The following TRANK1 variants were observed in gnomAD, a reference collection of about 807,000 sequenced individuals.
TRANK1 encodes tetratricopeptide repeat and ankyrin repeat containing 1.
Under a neutral mutation model 266.0 loss-of-function variants are expected in TRANK1, and 198 were observed. That is an observed-to-expected ratio of 0.74 (90% confidence interval 0.66 to 0.84). The LOEUF (loss-of-function observed/expected upper bound fraction) is 0.84, where lower values mean the gene tolerates loss of function less well. Among genes scored for constraint, TRANK1 ranks in the 40% least tolerant of loss-of-function variants. TRANK1 has a pLI of 0.00. For synonymous variants in TRANK1, 1,396 were observed against 1,384.1 expected (o/e 1.01, Z -0.19); for missense variants, 3,326 against 3,634.6 (o/e 0.92, Z 2.18).
In TRANK1 at chr3:36,826,956, A is replaced by T. The variant is rs1331426295; in HGVS notation, c.*1319T>A. ...ACATAATCTAAGAAAAATTGGAAAC[A>T]AGCATTTCAAGGAAACAATTTGGAA... On this transcript the variant is annotated 3_prime_UTR_variant, in exon 24 of 24. Transcript: ENST00000645898. 6.6e-6 allele frequency: 1 copy of T among 152,242 alleles called. No homozygotes were observed. The highest frequency in any genetic ancestry group is 1.5e-5 in the Non-Finnish European group (1 of 68,048). 9.4% of individuals were successfully genotyped at this position (152,242 alleles called of 1,614,324 possible). A position where few individuals can be genotyped will look rare whatever the true frequency, so the allele number is the denominator to read the frequency against.
chr3:36,926,079 G>A (rs1329291425), intron 1 of TRANK1, among the ~76,000 whole-genome samples: 1 of 152,112 alleles, frequency 6.6e-6, no homozygotes, highest in African/African-American at 2.4e-5. Flanking sequence ...ATTTGTCCCA[G>A]TAATGACATA....
chr3:36,860,833 A>G, intron 11 of TRANK1, 73 bp downstream of exon 11: 1 of 1,505,950 alleles, frequency 6.6e-7, no homozygotes. Flanking sequence ...AGGGAAAGGC[A>G]GGCAGTGGCC....
intron 1 of TRANK1, among the ~76,000 whole-genome samples, chr3:36,919,194 T>C (rs1049765500): frequency 2.0e-5 from 3 of 152,244 alleles, no homozygotes; most frequent in African/African-American, 7.2e-5. Flanking sequence ...TAACATGCAC[T>C]ACTCTTCGGT....
rs1335295615 is a variant in TRANK1, at chr3:36,857,902, A to G, written c.1820T>C (p.Val607Ala). The G allele has an allele frequency of 1.2e-6, 2 of 1,610,434 alleles. No homozygotes were observed. The highest frequency in any genetic ancestry group is 1.3e-5 in the African/African-American group (1 of 74,912). The change falls in exon 13 of 24, where the codon GTG becomes GCG. Residue 607 changes from valine to alanine, a missense_variant. Coordinates refer to ENST00000645898, the MANE Select transcript of TRANK1 (RefSeq NM_001329998.2). The surrounding 1 kb of genome is among the most constrained non-coding windows in gnomAD (Gnocchi z 4.3). Reference sequence around the variant, plus strand: ...CACCAGCAGGTCTAACAGCTTCTTCACGCGCTTTAGCATGCCCTTCTGGAA... The same window carrying G: ...CACCAGCAGGTCTAACAGCTTCTTCGCGCGCTTTAGCATGCCCTTCTGGAA... ...ILFQKGMLKR[V>A]KKLLDLLVKF...
rs993408244 is a variant in TRANK1, at chr3:36,892,568, G to A, written c.637-228C>T. 1.1e-4 allele frequency among the ~76,000 whole-genome samples: 17 copies of A among 152,104 alleles called. 1 individual carries two copies. Among genetic ancestry groups the A allele is most frequent in the African/African-American group, 3.9e-4 (16 of 41,418 alleles). On this transcript the variant is annotated intron_variant, in intron 6 of 23. Coordinates refer to ENST00000645898, the MANE Select transcript of TRANK1 (RefSeq NM_001329998.2). ...CGCCTTGCGAGGCGCAGTGATTCACGCCTATAATCCCAGCACTTTGGGAGG... is the reference window on the plus strand; with the variant it reads ...CGCCTTGCGAGGCGCAGTGATTCACACCTATAATCCCAGCACTTTGGGAGG...
chr3:36,923,696 G>A (rs964161467), intron 1 of TRANK1, among the ~76,000 whole-genome samples: 3 of 152,096 alleles, frequency 2.0e-5, no homozygotes, highest in African/African-American at 7.2e-5. Context: ...CCTTTCTCCA[G>A]TCAGCACCCT....
intron 10 of TRANK1, 104 bp downstream of exon 10, chr3:36,864,215 C>T (rs957386104): frequency 1.2e-5 from 15 of 1,242,004 alleles, no homozygotes; most frequent in Middle Eastern, 2.9e-4. Context: ...CATGTAGATA[C>T]ATTATTTTTA....
At position 36,892,224 on chromosome 3, in the gene TRANK1, G is replaced by A. The variant is rs2079709207; in HGVS notation, c.753C>T (p.Leu251=). The A allele has an allele frequency of 6.5e-7, 1 of 1,536,964 alleles. No homozygotes were observed. Among genetic ancestry groups the A allele is most frequent in the South Asian group, 1.2e-5 (1 of 84,032 alleles). The part of the protein sequence containing the change: ...ETIGPYPLHA[L]MRLCIQAREN... ...CACTGGCTTGGATACAGAGTCGCATGAGGGCATGAAGGGGATACGGTCCTA... is the reference window on the plus strand; with the variant it reads ...CACTGGCTTGGATACAGAGTCGCATAAGGGCATGAAGGGGATACGGTCCTA... Residue 251 remains leucine, a synonymous_variant, in exon 7 of 24, where the codon CTC becomes CTT. Coordinates refer to ENST00000645898, the MANE Select transcript of TRANK1 (RefSeq NM_001329998.2).
intron 3 of TRANK1, among the ~76,000 whole-genome samples, chr3:36,900,239 T>C (rs772111043): frequency 6.6e-6 from 1 of 152,174 alleles, no homozygotes; most frequent in Non-Finnish European, 1.5e-5. Flanking sequence ...AATAATCCTT[T>C]GATTAGTGTT....
intron 3 of TRANK1, among the ~76,000 whole-genome samples, chr3:36,902,686 A>G (rs1390947596): frequency 1.3e-5 from 2 of 152,230 alleles, no homozygotes; most frequent in Non-Finnish European, 2.9e-5. Flanking sequence ...CTTCTGAAAA[A>G]TTGGTTTTGT....
At chr3:36,860,765 A>C in intron 11 of TRANK1, 141 bp downstream of exon 11, 4 of 1,293,490 alleles carry the variant, frequency 3.1e-6, no homozygotes, top group South Asian at 1.6e-5. Flanking sequence ...TCACTGTTTC[A>C]AAACAAGAAT....
chr3:36,861,100 A>G lies in TRANK1; in HGVS notation c.1301T>C (p.Phe434Ser). Residue 434 changes from phenylalanine to serine, a missense_variant, in exon 11 of 24, where the codon TTC becomes TCC. Phe to Ser is a radical substitution (Grantham distance 155). Transcript: ENST00000645898. ...AGGCCATCTCTGTTTTTCCAATAAG[A>G]ATTTGAAGACGGTGGTGGCACAGTC... is the stretch of plus-strand genomic sequence containing the variant. ...NQDCATTVFKFLLEKQRWPEV... is the reference protein window; with the variant it reads ...NQDCATTVFKSLLEKQRWPEV... 6.5e-7 allele frequency: 1 copy of G among 1,537,526 alleles called. No individual in the cohort carries two copies. Among genetic ancestry groups the G allele is most frequent in the Non-Finnish European group, 8.7e-7 (1 of 1,146,956 alleles).
In TRANK1 at chr3:36,855,224, G is replaced by C; in HGVS notation, c.4498C>G (p.Arg1500Gly). ...RNTIDKQCAV[R>G]KPKKIHQLYQ... ...AGCTGGTGGATCTTCTTGGGCTTCC[G>C]GACAGCACACTGCTTGTCTATGGTG... is the stretch of plus-strand genomic sequence containing the variant. Residue 1500 changes from arginine (R) to glycine (G), a missense_variant, in exon 13 of 24, where the codon CGG (arginine) becomes GGG (glycine). Arg to Gly is a moderately radical substitution (Grantham distance 125). Coordinates refer to ENST00000645898, the MANE Select transcript of TRANK1 (RefSeq NM_001329998.2). The C allele has an allele frequency of 6.2e-7, 1 of 1,613,946 alleles. No homozygotes were observed. Among genetic ancestry groups the C allele is most frequent in the Non-Finnish European group, 8.5e-7 (1 of 1,179,850 alleles).
chr3:36,869,124 A>T (rs2079269246), intron 9 of TRANK1, among the ~76,000 whole-genome samples: 2 of 152,238 alleles, frequency 1.3e-5, no homozygotes, highest in South Asian at 4.1e-4. Context: ...CTTGCTCCTC[A>T]AAGTGGTCCC....
At chr3:36,865,024 G>GTTTTTTTTTTTTTTTTT (rs34540496) in intron 9 of TRANK1, among the ~76,000 whole-genome samples, 8 of 119,806 alleles carry the variant, frequency 6.7e-5, no homozygotes, top group Admixed American at 8.8e-5. Flanking sequence ...TGTTTTTTTG[G>GTTTTTTTTTTTTTTTTT]TTTTTTTTTT....
At chr3:36,892,878 T>TATAG (rs1553626413) in intron 6 of TRANK1, 23 bp downstream of exon 6, 9 of 960,752 alleles carry the variant, frequency 9.4e-6, no homozygotes, top group Admixed American at 7.6e-5. Flanking sequence ...TATAGATATA[T>TATAG]ATAGATATAT....
Position 36,874,252 on chromosome 3 carries a change from G to T in TRANK1, c.952C>A (p.Pro318Thr). 3 of 1,537,182 alleles carry T rather than the reference G, an allele frequency of 2.0e-6. No individual in the cohort carries two copies. Among genetic ancestry groups the T allele is most frequent in the Non-Finnish European group, 2.6e-6 (3 of 1,146,872 alleles). ...VQMLLRFGAD[P>T]TLLDRQSRSV... Reference sequence around the variant, plus strand: ...CGAGACTGTCGATCCAGCAAAGTGGGATCTGCCCCAAAGCGCAGGAGCATC... The same window carrying T: ...CGAGACTGTCGATCCAGCAAAGTGGTATCTGCCCCAAAGCGCAGGAGCATC... The change falls in exon 9 of 24, where the codon CCC becomes ACC. Residue 318 changes from proline (P) to threonine (T), a missense_variant. Coordinates refer to ENST00000645898, the MANE Select transcript of TRANK1 (RefSeq NM_001329998.2).
intron 6 of TRANK1, 78 bp downstream of exon 6, chr3:36,892,823 G>T: frequency 3.6e-6 from 2 of 560,124 alleles, no homozygotes; most frequent in Non-Finnish European, 4.8e-6. Flanking sequence ...GCGAGACTCA[G>T]TCTCAAAACA....
Position 36,832,641 on chromosome 3 carries a change from C to G in TRANK1, c.6942G>C (p.Leu2314=). ...GGTTGCGTGCGCTTTCATTTTCAAA[C>G]AGAAAGTGGATGTACTCCTTCAAAG... ...RFALKEYIHF[L]FENESARNRR... The change falls in exon 22 of 24, where the codon CTG becomes CTC. Residue 2314 remains leucine, a synonymous_variant. Transcript: ENST00000645898. 1 of 1,613,984 alleles carries G rather than the reference C, an allele frequency of 6.2e-7. No homozygotes were observed. The highest frequency in any genetic ancestry group is 8.5e-7 in the Non-Finnish European group (1 of 1,179,884).
Sources: gnomAD v4.1 joint callset for allele counts (sites outside exome capture counted in the v4.1 genomes callset) on GRCh38, gnomAD v4.1.1 for gene constraint, Gnocchi (gnomAD v3.1) non-coding constraint, MANE v1.5 for transcripts, NCBI Gene and HGNC (gene_info 2026-07-23, HGNC 2026-07-21) for gene names.